The following SCFD2 variants were observed in gnomAD, a reference collection of about 807,000 sequenced individuals.
SCFD2 encodes the protein sec1 family domain-containing protein 2.
SCFD2 carries 54 observed loss-of-function variants against 58.9 expected under a neutral mutation model. That is an observed-to-expected ratio of 0.92 (90% CI 0.74 to 1.15). The LOEUF (loss-of-function observed/expected upper bound fraction) is 1.15. Among genes scored for constraint, SCFD2 ranks in the 50% most tolerant of loss-of-function variants. SCFD2 has a pLI of 0.00. For missense variants in SCFD2, 805 were observed against 836.6 expected (o/e 0.96, Z 0.47); for synonymous variants, 321 against 335.9 (o/e 0.96, Z 0.49).
intron 5 of SCFD2, among the ~76,000 whole-genome samples, chr4:52,960,729 A>C (rs1553911489): frequency 2.8e-5 from 4 of 144,034 alleles, no homozygotes; most frequent in East Asian, 2.0e-4. Flanking sequence ...CACACACACA[A>C]CACACACACA....
chr4:53,148,815 G>C (rs765157646), intron 4 of SCFD2, among the ~76,000 whole-genome samples: 1 of 152,132 alleles, frequency 6.6e-6, no homozygotes, highest in Non-Finnish European at 1.5e-5. Flanking sequence ...TTTGAGAAGA[G>C]CCTGGGCAAC....
chr4:53,018,752 C>T (rs535678687), intron 5 of SCFD2, among the ~76,000 whole-genome samples: 192 of 152,266 alleles, frequency 1.3e-3, no homozygotes, highest in African/African-American at 4.4e-3. Flanking sequence ...ACAAAACTTA[C>T]GCCAGCCTGA....
intron 5 of SCFD2, among the ~76,000 whole-genome samples, chr4:52,932,396 G>A (rs1720018341): frequency 6.6e-6 from 1 of 152,196 alleles, no homozygotes. Context: ...AGCCTTTCAA[G>A]TTACTATCTG....
At chr4:53,136,168 A>C (rs1725931624) in intron 5 of SCFD2, among the ~76,000 whole-genome samples, 1 of 152,232 alleles carries the variant, frequency 6.6e-6, no homozygotes, top group Non-Finnish European at 1.5e-5. Flanking sequence ...ACTAAGTCTT[A>C]GGTTTTCCCA....
In SCFD2 at chr4:52,923,272, T is replaced by A. The variant is rs192318946; in HGVS notation, c.1562-2402A>T. ...CAGGTGGATCACTTGAGGTCAGGAGTTCGAGACCAGCCTGGCCAACATGGT... is the reference window on the plus strand; with the variant it reads ...CAGGTGGATCACTTGAGGTCAGGAGATCGAGACCAGCCTGGCCAACATGGT... On this transcript the variant is annotated intron_variant, in intron 5 of 8. Transcript: ENST00000401642. 4.1e-3 allele frequency among the ~76,000 whole-genome samples: 622 copies of A among 151,974 alleles called. 8 individuals are homozygous for A. Among genetic ancestry groups the A allele is most frequent in the African/African-American group, 0.014 (591 of 41,440 alleles).
intron 8 of SCFD2, among the ~76,000 whole-genome samples, chr4:52,880,231 C>T (rs555158923): frequency 2.0e-5 from 3 of 152,012 alleles, no homozygotes; most frequent in African/African-American, 7.3e-5. Flanking sequence ...AACCTGGAGG[C>T]AGGTTTTGGA....
chr4:53,254,973 C>T (rs1003269775), intron 4 of SCFD2, among the ~76,000 whole-genome samples: 17 of 150,222 alleles, frequency 1.1e-4, no homozygotes, highest in Admixed American at 4.6e-4. Flanking sequence ...CCTGGGTTCA[C>T]GCCATTCTCC....
At chr4:53,358,131 C>T (rs1308685934) in intron 1 of SCFD2, among the ~76,000 whole-genome samples, 1 of 152,108 alleles carries the variant, frequency 6.6e-6, no homozygotes, top group African/African-American at 2.4e-5. Flanking sequence ...AATACTTTGA[C>T]AAGTAATATA....
intron 5 of SCFD2, among the ~76,000 whole-genome samples, chr4:53,015,208 T>C (rs1722183115): frequency 6.6e-6 from 1 of 152,064 alleles, no homozygotes; most frequent in East Asian, 1.9e-4. Flanking sequence ...AAAAACACAG[T>C]AATAAAGACT....
intron 5 of SCFD2, chr4:52,956,047 A>C (rs1360062136): frequency 4.4e-6 from 2 of 456,530 alleles, no homozygotes; most frequent in South Asian, 3.1e-5. Context: ...GGTGAAGAGA[A>C]AGCTATGGGG....
intron 5 of SCFD2, among the ~76,000 whole-genome samples, chr4:52,984,554 C>T (rs1025764593): frequency 2.0e-5 from 3 of 152,148 alleles, no homozygotes; most frequent in African/African-American, 7.2e-5. Flanking sequence ...CCTCTGAAGC[C>T]AGGGCCCCTT....
At chr4:52,983,432 A>C (rs1721421437) in intron 5 of SCFD2, among the ~76,000 whole-genome samples, 1 of 152,234 alleles carries the variant, frequency 6.6e-6, no homozygotes, top group South Asian at 2.1e-4. Flanking sequence ...ATATGTATGC[A>C]CAAATGTTCA....
chr4:53,057,240 C>CA (rs1319471205), intron 5 of SCFD2, among the ~76,000 whole-genome samples: 2 of 152,046 alleles, frequency 1.3e-5, no homozygotes, highest in African/African-American at 4.8e-5. Flanking sequence ...CCCGTACTAG[C>CA]AAAGACATGG....
intron 2 of SCFD2, among the ~76,000 whole-genome samples, chr4:53,348,306 G>A (rs997407665): frequency 2.6e-5 from 4 of 152,090 alleles, no homozygotes; most frequent in African/African-American, 9.7e-5. Context: ...CTTTTCCATT[G>A]CAGGCACATT....
rs57571099 is a variant in SCFD2 at position 52,923,477 on chromosome 4, C to CAAATAAATAAATAAAT, written c.1562-2623_1562-2608dup. Among the ~76,000 whole-genome samples, 858 of 134,424 alleles carry CAAATAAATAAATAAAT rather than the reference C, an allele frequency of 6.4e-3. 4 individuals carry two copies. The highest frequency in any genetic ancestry group is 0.021 in the East Asian group (97 of 4,516). The allele number at this position is 134,424 out of a possible 152,430, so 88.2% of individuals were successfully genotyped here. Reference sequence around the variant, plus strand: ...TGGGTGACACAGTGAGACTGCATCTCAAATAAATAAATAAATAAATAAATA... The same window carrying CAAATAAATAAATAAAT: ...TGGGTGACACAGTGAGACTGCATCTCAAATAAATAAATAAATAAATAAATAAATAAATAAATAAATA... On this transcript the variant is annotated intron_variant, in intron 5 of 8. Coordinates refer to ENST00000401642, the MANE Select transcript of SCFD2 (RefSeq NM_152540.4).
At chr4:53,295,695 G>A (rs1284735244) in intron 3 of SCFD2, among the ~76,000 whole-genome samples, 1 of 152,162 alleles carries the variant, frequency 6.6e-6, no homozygotes, top group Non-Finnish European at 1.5e-5. Context: ...TGGTGAGAGA[G>A]GGCATACTTG....
chr4:53,082,661 G>A (rs1464725215), intron 5 of SCFD2, among the ~76,000 whole-genome samples: 2 of 152,050 alleles, frequency 1.3e-5, no homozygotes, highest in Non-Finnish European at 2.9e-5. Flanking sequence ...ACACAGGGGT[G>A]ACCAAGATTT....
chr4:52,978,586 A>C (rs1187018147), intron 5 of SCFD2, among the ~76,000 whole-genome samples: 2 of 152,096 alleles, frequency 1.3e-5, no homozygotes, highest in African/African-American at 4.8e-5. Context: ...TTATTTCCTT[A>C]AGGTTTGTTT....
chr4:53,305,398 T>A (rs922186374), intron 3 of SCFD2, among the ~76,000 whole-genome samples: 1 of 152,182 alleles, frequency 6.6e-6, no homozygotes, highest in South Asian at 2.1e-4. Context: ...TTATTGAGAC[T>A]ATTCTTTCCC....
Sources: allele counts gnomAD v4.1 joint callset (sites outside exome capture counted in the v4.1 genomes callset), GRCh38; gene constraint gnomAD v4.1.1; transcripts MANE v1.5; gene names NCBI Gene and HGNC (gene_info 2026-07-23, HGNC 2026-07-21).